Variants in FRMD4B observed in about 807,000 individuals in gnomAD.
FRMD4B encodes FERM domain-containing protein 4B.
Under a neutral mutation model 141.5 loss-of-function variants are expected in FRMD4B, and 74 were observed. The observed-to-expected ratio is 0.52, with a 90% CI of 0.43 to 0.63. The LOEUF is 0.63. Among genes scored for constraint, FRMD4B ranks in the 30% least tolerant of loss-of-function variants. The pLI is 0.00. For missense variants in FRMD4B, 1,366 were observed against 1,253.4 expected, an observed-to-expected ratio of 1.09 and a Z score of -1.36; for synonymous variants, 506 against 467.9, an observed-to-expected ratio of 1.08 and a Z score of -1.05.
intron 1 of FRMD4B, among the ~76,000 whole-genome samples, chr3:69,317,530 T>A (rs1701842994): frequency 6.6e-6 from 1 of 152,002 alleles, no homozygotes; most frequent in Non-Finnish European, 1.5e-5. Flanking sequence ...GAGGATCACT[T>A]GAGGTCAGAA....
chr3:69,227,776 T>C (rs1211940806), intron 7 of FRMD4B, among the ~76,000 whole-genome samples: 1 of 152,006 alleles, frequency 6.6e-6, no homozygotes, highest in Non-Finnish European at 1.5e-5. Context: ...ACTGTAATGG[T>C]GGATATATGA....
intron 1 of FRMD4B, among the ~76,000 whole-genome samples, chr3:69,314,915 G>A (rs1179958916): frequency 6.6e-6 from 1 of 152,112 alleles, no homozygotes; most frequent in Non-Finnish European, 1.5e-5. Flanking sequence ...TATAGTCCCA[G>A]CTACTCAAGA....
intron 1 of FRMD4B, among the ~76,000 whole-genome samples, chr3:69,347,004 G>T (rs1484374326): frequency 6.6e-6 from 1 of 152,112 alleles, no homozygotes; most frequent in Non-Finnish European, 1.5e-5. Context: ...ATGTAAATGG[G>T]CTAATTGCTC....
intron 22 of FRMD4B, among the ~76,000 whole-genome samples, chr3:69,173,578 C>CT (rs1431826836): frequency 6.6e-6 from 1 of 152,024 alleles, no homozygotes; most frequent in Non-Finnish European, 1.5e-5. Flanking sequence ...ATTTATAAAG[C>CT]TTTATGAATG....
At chr3:69,415,306 A>G (rs79153855) in intron 2 of FRMD4B, among the ~76,000 whole-genome samples, 1,741 of 152,284 alleles carry the variant, frequency 0.011, 37 homozygotes, top group East Asian at 0.095. Flanking sequence ...AAGGCTGGGC[A>G]CCCACCTCTA....
At chr3:69,366,274 AAAACAAAAAC>A in intron 1 of FRMD4B, among the ~76,000 whole-genome samples, 6 of 142,748 alleles carry the variant, frequency 4.2e-5, no homozygotes, top group African/African-American at 1.4e-4. Flanking sequence ...AACAAAAACA[AAAACAAAAAC>A]AAAAAAAATT....
Position 69,176,644 on chromosome 3 carries a change from T to C in FRMD4B, c.2864A>G (p.Asn955Ser). 3 of 1,601,764 alleles carry C rather than the reference T, an allele frequency of 1.9e-6. No individual in the cohort carries two copies. The highest frequency in any genetic ancestry group is 2.6e-6 in the Non-Finnish European group (3 of 1,169,708). The change falls in exon 22 of 23, where the codon AAT becomes AGT. Residue 955 changes from asparagine to serine, a missense_variant. Asn to Ser is a conservative substitution (Grantham distance 46). Coordinates refer to ENST00000398540, the MANE Select transcript of FRMD4B (RefSeq NM_015123.3). ...CTGGGTCCTCCAGTTCCCAGAAGCA[T>C]TTGTAGAAGACACTGGAAATAAAAA... Reference protein sequence around the residue: ...ASSYSSVSSTNASGNWRTQLT... With the variant: ...ASSYSSVSSTSASGNWRTQLT...
At chr3:69,390,729 TA>T (rs997071118), upstream of FRMD4B, among the ~76,000 whole-genome samples, 6 of 151,950 alleles carry the variant, frequency 3.9e-5, no homozygotes, top group African/African-American at 1.2e-4. Flanking sequence ...CAATCTCTAC[TA>T]AAAGTAACAA....
intron 7 of FRMD4B, among the ~76,000 whole-genome samples, chr3:69,240,811 T>A (rs2093377003): frequency 6.6e-6 from 1 of 152,216 alleles, no homozygotes; most frequent in Admixed American, 6.5e-5. Context: ...GGCCTGGAAA[T>A]GCTTATCAGC....
intron 1 of FRMD4B, among the ~76,000 whole-genome samples, chr3:69,489,637 T>TA (rs529843873): frequency 9.2e-5 from 14 of 152,302 alleles, no homozygotes; most frequent in African/African-American, 3.1e-4. Context: ...ACTGCTGGTG[T>TA]ATATGTAAAA....
chr3:69,252,078 T>C (rs1030534671), intron 5 of FRMD4B, among the ~76,000 whole-genome samples: 1 of 152,150 alleles, frequency 6.6e-6, no homozygotes, highest in South Asian at 2.1e-4. Flanking sequence ...TCCTCTGACA[T>C]CCCACGACCC....
intron 3 of FRMD4B, among the ~76,000 whole-genome samples, chr3:69,306,944 C>A (rs531475187): frequency 8.5e-5 from 13 of 152,216 alleles, no homozygotes; most frequent in African/African-American, 1.7e-4. Flanking sequence ...AAGAACTAGG[C>A]TTGTGACCAA....
Position 69,169,967 on chromosome 3 carries a change from C to T in FRMD4B, c.*1894G>A, listed in dbSNP as rs1201402268. On this transcript the variant is annotated 3_prime_UTR_variant, in exon 23 of 23. Coordinates refer to ENST00000398540, the MANE Select transcript of FRMD4B (RefSeq NM_015123.3). ...AAACCTAAAAGTTCTCACCAGTCAT[C>T]CTCAGTGAGACAAACTACCGCATTT... 6.6e-6 allele frequency: 1 copy of T among 152,118 alleles called. No individual in the cohort carries two copies. The highest frequency in any genetic ancestry group is 2.4e-5 in the African/African-American group (1 of 41,430). 9.4% of individuals were successfully genotyped at this position (152,118 alleles called of 1,614,324 possible).
intron 1 of FRMD4B, among the ~76,000 whole-genome samples, chr3:69,323,856 G>A (rs1702097669): frequency 6.6e-6 from 1 of 151,698 alleles, no homozygotes; most frequent in Non-Finnish European, 1.5e-5. Flanking sequence ...TATTACTTCA[G>A]TACAAAGTAT....
At chr3:69,373,801 A>C (rs1009176329) in intron 1 of FRMD4B, among the ~76,000 whole-genome samples, 6 of 152,184 alleles carry the variant, frequency 3.9e-5, no homozygotes, top group African/African-American at 7.2e-5. Flanking sequence ...TGAACCCAGA[A>C]GCTTAACACT....
chr3:69,282,966 C>T (rs2093650874), intron 5 of FRMD4B, among the ~76,000 whole-genome samples: 1 of 152,036 alleles, frequency 6.6e-6, no homozygotes, highest in South Asian at 2.1e-4. Flanking sequence ...AGAAAATATC[C>T]CACTCTAAAT....
upstream of FRMD4B, among the ~76,000 whole-genome samples, chr3:69,390,372 G>T (rs1272034953): frequency 6.6e-6 from 1 of 152,176 alleles, no homozygotes; most frequent in African/African-American, 2.4e-5. Context: ...CTAGTTCAAT[G>T]GTTCTCAACC....
At chr3:69,448,706 A>G (rs187662586) in intron 1 of FRMD4B, among the ~76,000 whole-genome samples, 7 of 152,370 alleles carry the variant, frequency 4.6e-5, no homozygotes, top group Admixed American at 3.9e-4. Context: ...GATACAAATA[A>G]TTTTGTGTCT....
intron 1 of FRMD4B, among the ~76,000 whole-genome samples, chr3:69,319,619 T>A (rs1226743189): frequency 6.6e-6 from 1 of 152,192 alleles, no homozygotes; most frequent in Non-Finnish European, 1.5e-5. Flanking sequence ...ATTATATCAA[T>A]AATATCACTC....
Sources: allele counts gnomAD v4.1 joint callset (sites outside exome capture counted in the v4.1 genomes callset), GRCh38; gene constraint gnomAD v4.1.1; transcripts MANE v1.5; gene names NCBI Gene and HGNC (gene_info 2026-07-23, HGNC 2026-07-21).